The following AMIGO3 variants were observed in gnomAD, a reference collection of about 807,000 sequenced individuals.
The protein encoded by AMIGO3 is amphoterin-induced protein 3.
A neutral mutation model predicts 4.3 loss-of-function variants in AMIGO3; 6 were observed. The ratio of observed to expected loss-of-function variants is 1.39; its 90% CI spans 0.76 to 2.75. AMIGO3 has a LOEUF of 2.75. AMIGO3 is among the 30% of genes most tolerant of loss of function. AMIGO3 has a pLI of 0.00. For synonymous variants in AMIGO3, 315 were observed against 320.0 expected (o/e 0.98, Z 0.17); for missense variants, 771 against 692.1 (o/e 1.11, Z -1.28).
At position 49,717,952 on chromosome 3, in the gene AMIGO3, T is replaced by C. The variant is rs776776059; in HGVS notation, c.1514A>G (p.Ter505TrpextTer91). 3.7e-6 allele frequency: 6 copies of C among 1,611,268 alleles called. No homozygotes were observed. The African/African-American group carries it at 5.3e-5, about 14-fold the overall frequency. ...SIGSEGPMTT[*>W] ...CTGGGTGGGGGAGCCCTGGGCAGTC[T>C]AGGTTGTCATGGGACCCTCGGAGCC... Residue 505 changes from the stop codon to tryptophan (W), a stop_lost, in exon 1 of 1, where the codon TAG becomes TGG. Transcript: ENST00000320431.
rs765250301 is a variant in AMIGO3, at chr3:49,718,425, C to T, written c.1041G>A (p.Ala347=). The T allele has an allele frequency of 1.3e-5, 21 of 1,612,934 alleles. No individual in the cohort carries two copies. Among genetic ancestry groups the T allele is most frequent in the Middle Eastern group, 1.6e-4 (1 of 6,062 alleles). ...LAIGNVQEQH[A]GLFVCLATGP... is the part of the protein sequence containing the mutation. ...CAGTGGCCAGGCACACGAAGAGTCCCGCATGCTGCTCCTGTACGTTGCCTA... is the reference window on the plus strand; with the variant it reads ...CAGTGGCCAGGCACACGAAGAGTCCTGCATGCTGCTCCTGTACGTTGCCTA... The change falls in exon 1 of 1, where the codon GCG becomes GCA. Residue 347 remains alanine (A), a synonymous_variant. Transcript: ENST00000320431.
At position 49,719,363 on chromosome 3, in the gene AMIGO3, G is replaced by T. The variant is rs1333578684; in HGVS notation, c.103C>A (p.Pro35Thr). 6.2e-7 allele frequency: 1 copy of T among 1,613,558 alleles called. No individual in the cohort carries two copies. The highest frequency in any genetic ancestry group is 2.2e-5 in the East Asian group (1 of 44,880). Reference sequence around the variant, plus strand: ...TCGGCAGCGCAGATACATTTGTAGGGGCAGTTGTGGAGCGCACGGGGCGGG... The same window carrying T: ...TCGGCAGCGCAGATACATTTGTAGGTGCAGTTGTGGAGCGCACGGGGCGGG... ...GFPPRALHNC[P>T]YKCICAADLL... The change falls in exon 1 of 1, where the codon CCC becomes ACC. Residue 35 changes from proline to threonine, a missense_variant. Physicochemically the swap from Pro to Thr is conservative, Grantham distance 38. Transcript: ENST00000320431.
rs566880706 is a variant in AMIGO3, at chr3:49,719,431, C to T, written c.35G>A (p.Cys12Tyr). ...TWLVLLGTLL[C>Y]MLRVGLGTPD... ...GGTGCCTAACCCAACGCGCAGCATG[C>T]AGAGCAGTGTCCCCAGCAGCACCAA... Residue 12 changes from cysteine to tyrosine, a missense_variant, in exon 1 of 1, where the codon TGC (cysteine) becomes TAC (tyrosine). By Grantham distance (194) the Cys-to-Tyr change is radical (BLOSUM62 -2). Transcript: ENST00000320431. 2 of 1,613,434 alleles carry T rather than the reference C, an allele frequency of 1.2e-6. No individual in the cohort carries two copies. The highest frequency in any genetic ancestry group is 1.3e-5 in the African/African-American group (1 of 75,050).
In AMIGO3 at chr3:49,718,743, G is replaced by C; in HGVS notation, c.723C>G (p.Ala241=). 1 of 1,613,118 alleles carries C rather than the reference G, an allele frequency of 6.2e-7. No homozygotes were observed. Among genetic ancestry groups the C allele is most frequent in the Non-Finnish European group, 8.5e-7 (1 of 1,179,984 alleles). Residue 241 remains alanine, a synonymous_variant, in exon 1 of 1, where the codon GCC becomes GCG. Transcript: ENST00000320431. ...CGTACTCGCGCGCAAAGTCGCGCAC[G>C]GCGCTCAGGCCCCGCTGGTGCCAGC... ...LQRWHQRGLS[A]VRDFAREYVC...
In AMIGO3 at chr3:49,717,801, A is replaced by C. The variant is rs916248776; in HGVS notation, c.*150T>G. The C allele has an allele frequency of 3.6e-6, 3 of 833,072 alleles. No homozygotes were observed. The African/African-American group carries it at 5.1e-5, about 14-fold the overall frequency. The allele number at this position is 833,072 out of a possible 1,614,324, so 51.6% of individuals were successfully genotyped here. Reference sequence around the variant, plus strand: ...CAACCCCTGTCTCTACCAGTGAGCGAGAAGGCCCATTGTGTTTCGAGGCCC... The same window carrying C: ...CAACCCCTGTCTCTACCAGTGAGCGCGAAGGCCCATTGTGTTTCGAGGCCC... On this transcript the variant is annotated 3_prime_UTR_variant, in exon 1 of 1. Coordinates refer to ENST00000320431, the MANE Select transcript of AMIGO3 (RefSeq NM_198722.3).
rs138809316 is a variant in AMIGO3 at position 49,718,515 on chromosome 3, C to A, written c.951G>T (p.Glu317Asp). Residue 317 changes from glutamate to aspartate, a missense_variant, in exon 1 of 1, where the codon GAG (glutamate) becomes GAT (aspartate). Transcript: ENST00000320431. ...MRIAWVSPQQELLRAPGSRDG... is the reference protein window; with the variant it reads ...MRIAWVSPQQDLLRAPGSRDG... Reference sequence around the variant, plus strand: ...CGCGGGATCCTGGCGCCCTGAGAAGCTCCTGCTGCGGCGAAACCCAGGCAA... The same window carrying A: ...CGCGGGATCCTGGCGCCCTGAGAAGATCCTGCTGCGGCGAAACCCAGGCAA... 75 of 1,613,036 alleles carry A rather than the reference C, an allele frequency of 4.6e-5. No individual in the cohort carries two copies. The highest frequency in any genetic ancestry group is 3.3e-4 in the Middle Eastern group (2 of 6,082).
In AMIGO3 at chr3:49,718,628, C is replaced by A. The variant is rs764614754; in HGVS notation, c.838G>T (p.Gly280Cys). The change falls in exon 1 of 1, where the codon GGC (glycine) becomes TGC (cysteine). Residue 280 changes from glycine to cysteine, a missense_variant. By Grantham distance (159) the Gly-to-Cys change is radical. Transcript: ENST00000320431. ...AGGTGCTCTTCCGGCCGCTCTAGGC[C>A]AAGAGCTGGGGCCGACGAGCAGTTC... ...FENCSSAPAL[G>C]LERPEEHLYA... 2.5e-6 allele frequency: 4 copies of A among 1,613,006 alleles called. No homozygotes were observed. In the Admixed American group the frequency reaches 6.7e-5, roughly 27 times the overall value.
Position 49,718,495 on chromosome 3 carries a change from G to A in AMIGO3, c.971C>T (p.Ser324Phe), listed in dbSNP as rs962582792. The A allele has an allele frequency of 1.9e-6, 3 of 1,613,014 alleles. No homozygotes were observed. The highest frequency in any genetic ancestry group is 2.7e-5 in the African/African-American group (2 of 74,946). Residue 324 changes from serine to phenylalanine, a missense_variant, in exon 1 of 1, where the codon TCC (serine) becomes TTC (phenylalanine). Physicochemically the swap from Ser to Phe is radical, Grantham distance 155. Coordinates refer to ENST00000320431, the MANE Select transcript of AMIGO3 (RefSeq NM_198722.3). ...CAGCACCGCGATGCTGCCATCGCGG[G>A]ATCCTGGCGCCCTGAGAAGCTCCTG... ...PQQELLRAPG[S>F]RDGSIAVLAD...
Position 49,719,484 on chromosome 3 carries a change from C to A in AMIGO3, c.-19G>T. 1.3e-6 allele frequency: 2 copies of A among 1,590,344 alleles called. No homozygotes were observed. Among genetic ancestry groups the A allele is most frequent in the Non-Finnish European group, 1.7e-6 (2 of 1,165,562 alleles). On this transcript the variant is annotated 5_prime_UTR_variant, in exon 1 of 1. Coordinates refer to ENST00000320431, the MANE Select transcript of AMIGO3 (RefSeq NM_198722.3). Reference sequence around the variant, plus strand: ...AGGTCATGGCGGCGACCACCAGGGACAGTACAGAGCAGCTCTGTGCAGGTT... The same window carrying A: ...AGGTCATGGCGGCGACCACCAGGGAAAGTACAGAGCAGCTCTGTGCAGGTT...
Position 49,718,700 on chromosome 3 carries a change from C to G in AMIGO3, c.766G>C (p.Val256Leu), listed in dbSNP as rs914689639. ...AAGAAGCGCACGCGGGACGCGGGTA[C>G]CTTGAAGGCCAAGCATACGTACTCG... ...AREYVCLAFK[V>L]PASRVRFFQH... Residue 256 changes from valine (V) to leucine (L), a missense_variant, in exon 1 of 1, where the codon GTA (valine) becomes CTA (leucine). Transcript: ENST00000320431. The G allele has an allele frequency of 6.2e-7, 1 of 1,612,874 alleles. No individual in the cohort carries two copies. The highest frequency in any genetic ancestry group is 1.3e-5 in the African/African-American group (1 of 74,958).
In AMIGO3 at chr3:49,719,071, A is replaced by G. The variant is rs2080323000; in HGVS notation, c.395T>C (p.Leu132Pro). 2 of 1,613,716 alleles carry G rather than the reference A, an allele frequency of 1.2e-6. No individual in the cohort carries two copies. Among genetic ancestry groups the G allele is most frequent in the African/African-American group, 1.3e-5 (1 of 74,946 alleles). ...RALGRHDLDG[L>P]GALEKLLLFN... is the part of the protein sequence containing the mutation. ...CAGAAGCAGCTTCTCCAGCGCCCCCAGCCCGTCGAGGTCGTGGCGGCCAAG... is the reference window on the plus strand; with the variant it reads ...CAGAAGCAGCTTCTCCAGCGCCCCCGGCCCGTCGAGGTCGTGGCGGCCAAG... Residue 132 changes from leucine to proline, a missense_variant, in exon 1 of 1, where the codon CTG becomes CCG. By Grantham distance (98) the Leu-to-Pro change is moderately conservative. Transcript: ENST00000320431.
chr3:49,719,651 T>TA lies in AMIGO3; in HGVS notation c.-187dup. On this transcript the variant is annotated 5_prime_UTR_variant, in exon 1 of 1. Transcript: ENST00000320431. ...AGGTTGTGAGGCGGTGCGGCACTCT[T>TA]AGCCGCGCTCCCTTCGGCTTCGCTA... 1.7e-6 allele frequency: 1 copy of TA among 584,182 alleles called. No individual in the cohort carries two copies. Among genetic ancestry groups the TA allele is most frequent in the Non-Finnish European group, 3.1e-6 (1 of 325,858 alleles). The allele number at this position is 584,182 out of a possible 1,614,324, so 36.2% of individuals were successfully genotyped here. A position where few individuals can be genotyped will look rare whatever the true frequency, so the allele number is the denominator to read the frequency against.
Position 49,718,449 on chromosome 3 carries a change from T to C in AMIGO3, c.1017A>G (p.Ile339Met), listed in dbSNP as rs573198411. 11 of 1,612,946 alleles carry C rather than the reference T, an allele frequency of 6.8e-6. No individual in the cohort carries two copies. The African/African-American group carries it at 1.5e-4, about 21-fold the overall frequency. Reference protein sequence around the residue: ...IAVLADGSLAIGNVQEQHAGL... With the variant: ...IAVLADGSLAMGNVQEQHAGL... ...CCGCATGCTGCTCCTGTACGTTGCC[T>C]ATGGCCAAGCTGCCGTCGGCCAGCA... The change falls in exon 1 of 1, where the codon ATA (isoleucine) becomes ATG (methionine). Residue 339 changes from isoleucine to methionine, a missense_variant. Ile to Met is a conservative substitution (Grantham distance 10). Coordinates refer to ENST00000320431, the MANE Select transcript of AMIGO3 (RefSeq NM_198722.3).
Position 49,717,838 on chromosome 3 carries a change from TG to T in AMIGO3, c.*112del. ...GTGTTTCGAGGCCCATACAGGAAGC[TG>T]GGGGGCCAGGCACAGTGCTTCCCAC... On this transcript the variant is annotated 3_prime_UTR_variant, in exon 1 of 1. Coordinates refer to ENST00000320431, the MANE Select transcript of AMIGO3 (RefSeq NM_198722.3). The T allele has an allele frequency of 5.0e-6, 6 of 1,192,784 alleles. No homozygotes were observed. Among genetic ancestry groups the T allele is most frequent in the East Asian group, 2.4e-5 (1 of 42,062 alleles). The allele number at this position is 1,192,784 out of a possible 1,614,324, so 73.9% of individuals were successfully genotyped here.
In AMIGO3 at chr3:49,717,519, A is replaced by C. The variant is rs1575542076; in HGVS notation, c.*432T>G. 5.0e-6 allele frequency: 1 copy of C among 198,690 alleles called. No individual in the cohort carries two copies. Among genetic ancestry groups the C allele is most frequent in the Non-Finnish European group, 1.0e-5 (1 of 95,692 alleles). The allele number at this position is 198,690 out of a possible 1,614,324, so 12.3% of individuals were successfully genotyped here. A position where few individuals can be genotyped will look rare whatever the true frequency, so the allele number is the denominator to read the frequency against. On this transcript the variant is annotated 3_prime_UTR_variant, in exon 1 of 1. Transcript: ENST00000320431. ...GGTGGCCCTGCGTCAGCTCTTGAGC[A>C]CCACTCCTCGAGAGCTGTCTCAGCC...
Position 49,717,736 on chromosome 3 carries a change from G to A in AMIGO3, c.*215C>T, listed in dbSNP as rs1019576081. ...ACCTTGCAGGGCCTGGGGCCTTTGG[G>A]TCCTGTGCAGGGGCAGAGCAGAAGG... On this transcript the variant is annotated 3_prime_UTR_variant, in exon 1 of 1. Transcript: ENST00000320431. 6 of 618,102 alleles carry A rather than the reference G, an allele frequency of 9.7e-6. No homozygotes were observed. Among genetic ancestry groups the A allele is most frequent in the Non-Finnish European group, 1.7e-5 (6 of 355,702 alleles). 38.3% of individuals were successfully genotyped at this position (618,102 alleles called of 1,614,324 possible).
rs760282243 is a variant in AMIGO3, at chr3:49,718,149, TGTG to T, written c.1314_1316del (p.Thr439del). On this transcript the variant is annotated inframe_deletion, in exon 1 of 1. Transcript: ENST00000320431. ...CCTTGCGGCTGGGTGCGTCTGGCGG[TGTG>T]GTGCTGAGTACTGAGGACTGTGCGC... The T allele has an allele frequency of 5.4e-5, 87 of 1,612,948 alleles. No homozygotes were observed. The highest frequency in any genetic ancestry group is 7.3e-5 in the Non-Finnish European group (86 of 1,180,010).
In AMIGO3 at chr3:49,718,683, C is replaced by G. The variant is rs1400957801; in HGVS notation, c.783G>C (p.Val261=). The change falls in exon 1 of 1, where the codon GTG becomes GTC. Residue 261 remains valine, a synonymous_variant. Transcript: ENST00000320431. ...AGACGCGGCTGTGCTGGAAGAAGCG[C>G]ACGCGGGACGCGGGTACCTTGAAGG... The part of the protein sequence containing the change: ...CLAFKVPASR[V]RFFQHSRVFE... 1 of 1,613,010 alleles carries G rather than the reference C, an allele frequency of 6.2e-7. No individual in the cohort carries two copies. The highest frequency in any genetic ancestry group is 1.7e-5 in the Admixed American group (1 of 60,022).
Position 49,717,961 on chromosome 3 carries a change from A to C in AMIGO3, c.1505T>G (p.Met502Arg), listed in dbSNP as rs764988767. ...GGAGCCCTGGGCAGTCTAGGTTGTCATGGGACCCTCGGAGCCTATGGAGCT... is the reference window on the plus strand; with the variant it reads ...GGAGCCCTGGGCAGTCTAGGTTGTCCTGGGACCCTCGGAGCCTATGGAGCT... Reference protein sequence around the residue: ...SASSIGSEGPMTT With the variant: ...SASSIGSEGPRTT The change falls in exon 1 of 1, where the codon ATG (methionine) becomes AGG (arginine). Residue 502 changes from methionine (M) to arginine (R), a missense_variant. Physicochemically the swap from Met to Arg is moderately conservative, Grantham distance 91. Coordinates refer to ENST00000320431, the MANE Select transcript of AMIGO3 (RefSeq NM_198722.3). The C allele has an allele frequency of 1.2e-6, 2 of 1,612,464 alleles. No individual in the cohort carries two copies. The highest frequency in any genetic ancestry group is 2.2e-5 in the East Asian group (1 of 44,864).
Sources: allele counts gnomAD v4.1 joint callset, GRCh38; gene constraint gnomAD v4.1.1; transcripts MANE v1.5; gene names NCBI Gene and HGNC (gene_info 2026-07-23, HGNC 2026-07-21).